DCC: variants seen among roughly 807,000 people sequenced by gnomAD.
The protein encoded by DCC is DCC netrin 1 receptor.
A neutral mutation model predicts 172.5 loss-of-function variants in DCC; 58 were observed. That is an observed-to-expected ratio of 0.34 (90% CI 0.27 to 0.42). The LOEUF (loss-of-function observed/expected upper bound fraction) is 0.42, where lower values mean the gene tolerates loss of function less well. Among genes scored for constraint, DCC ranks in the 10% least tolerant of loss-of-function variants. DCC has a pLI of 1.00. For synonymous variants in DCC, 709 were observed against 644.5 expected (o/e 1.10, Z -1.52); for missense variants, 1,740 against 1,791.0 (o/e 0.97, Z 0.51).
At chr18:53,367,602 A>G (rs920644232) in intron 15 of DCC, among the ~76,000 whole-genome samples, 1 of 152,162 alleles carries the variant, frequency 6.6e-6, no homozygotes, top group Non-Finnish European at 1.5e-5. Context: ...TTGCGCAGCC[A>G]TCGAACCGTA....
At chr18:53,523,617 A>T (rs1398417793) in intron 27 of DCC, among the ~76,000 whole-genome samples, 2 of 152,186 alleles carry the variant, frequency 1.3e-5, no homozygotes, top group East Asian at 3.9e-4. Flanking sequence ...AGGGACATGG[A>T]TGAGACTGGA....
chr18:52,355,736 G>GA lies in DCC; in HGVS notation c.91+14867dup, dbSNP rs992525944. On this transcript the variant is annotated intron_variant, in intron 1 of 28. Transcript: ENST00000442544. ...AGACCTAAGCAGTGCAAGCATGTAA[G>GA]AAAAAAAAAGGTGACCAGAGTCACA... Among the ~76,000 whole-genome samples, 30 of 150,308 alleles carry GA rather than the reference G, an allele frequency of 2.0e-4. 1 individual carries two copies. The highest frequency in any genetic ancestry group is 2.0e-4 in the East Asian group (1 of 5,128).
chr18:53,217,260 TATACACAC>T (rs920030363), intron 12 of DCC, among the ~76,000 whole-genome samples: 15 of 94,812 alleles, frequency 1.6e-4, no homozygotes, highest in African/African-American at 5.2e-4. Context: ...CTATATATAT[TATACACAC>T]ACACACACAC....
intron 26 of DCC, among the ~76,000 whole-genome samples, chr18:53,487,529 C>CTTTTTTTTT (rs34404262): frequency 8.3e-6 from 1 of 120,220 alleles, no homozygotes. Context: ...CCATTTGACT[C>CTTTTTTTTT]TTTTTTTTTT....
In DCC at chr18:52,752,411, C is replaced by T. The variant is rs2037011694; in HGVS notation, c.412+37C>T. 3 of 1,462,998 alleles carry T rather than the reference C, an allele frequency of 2.1e-6. No individual in the cohort carries two copies. The East Asian group carries it at 6.8e-5, about 33-fold the overall frequency. 90.6% of individuals were successfully genotyped at this position (1,462,998 alleles called of 1,614,324 possible). A position where few individuals can be genotyped will look rare whatever the true frequency, so the allele number is the denominator to read the frequency against. ...CTTCCTTCTCTTCCTCCTCCTCCTTCCTCTCTTCTTCTTATTCATTTTTGG... is the reference window on the plus strand; with the variant it reads ...CTTCCTTCTCTTCCTCCTCCTCCTTTCTCTCTTCTTCTTATTCATTTTTGG... On this transcript the variant is annotated intron_variant, in intron 2 of 28. Coordinates refer to ENST00000442544, the MANE Select transcript of DCC (RefSeq NM_005215.4).
intron 1 of DCC, among the ~76,000 whole-genome samples, chr18:52,590,271 T>G (rs2033770948): frequency 6.6e-6 from 1 of 152,166 alleles, no homozygotes; most frequent in African/African-American, 2.4e-5. Context: ...GAATGAGATC[T>G]AAGGACATCC....
At chr18:52,800,990 G>A (rs1207654862) in intron 2 of DCC, among the ~76,000 whole-genome samples, 1 of 152,102 alleles carries the variant, frequency 6.6e-6, no homozygotes, top group Non-Finnish European at 1.5e-5. Flanking sequence ...CCTTTCTTCA[G>A]GTAGTCTCAT....
chr18:53,403,071 G>A (rs1909420428), intron 19 of DCC, among the ~76,000 whole-genome samples, 178 bp downstream of exon 19: 1 of 109,780 alleles, frequency 9.1e-6, no homozygotes, highest in African/African-American at 3.4e-5. Context: ...TTCTTCTAAT[G>A]GTGCACACAC....
intron 5 of DCC, among the ~76,000 whole-genome samples, chr18:53,039,363 C>G (rs2042138596): frequency 6.6e-6 from 1 of 151,986 alleles, no homozygotes; most frequent in Admixed American, 6.6e-5. Context: ...TTTATGTGGT[C>G]TCATAAAATG....
At chr18:52,349,230 G>C (rs1359590935) in intron 1 of DCC, among the ~76,000 whole-genome samples, 1 of 152,058 alleles carries the variant, frequency 6.6e-6, no homozygotes, top group Non-Finnish European at 1.5e-5. Context: ...TGCTCCCATG[G>C]GACAGGCTAA....
At chr18:53,462,378 C>G (rs2045569887) in intron 24 of DCC, among the ~76,000 whole-genome samples, 1 of 152,002 alleles carries the variant, frequency 6.6e-6, no homozygotes, top group African/African-American at 2.4e-5. Context: ...CTTATAGGAG[C>G]ATGAACCCTA....
intron 1 of DCC, among the ~76,000 whole-genome samples, chr18:52,747,796 G>A (rs529912766): frequency 1.3e-5 from 2 of 152,172 alleles, no homozygotes; most frequent in East Asian, 3.9e-4. Flanking sequence ...TAAGAGAAAG[G>A]GTTGAGGGGG....
intron 27 of DCC, among the ~76,000 whole-genome samples, chr18:53,522,381 T>C (rs770952865): frequency 1.3e-5 from 2 of 151,898 alleles, no homozygotes; most frequent in Non-Finnish European, 2.9e-5. Context: ...TTGGCTATTG[T>C]TGAGTTAGAA....
chr18:53,151,653 A>G (rs968114118), intron 7 of DCC, among the ~76,000 whole-genome samples: 2 of 149,266 alleles, frequency 1.3e-5, no homozygotes, highest in African/African-American at 4.8e-5. Flanking sequence ...ACAAATAAAT[A>G]AATGATTATT....
chr18:52,675,735 C>T (rs1315811545), intron 1 of DCC, among the ~76,000 whole-genome samples: 1 of 152,170 alleles, frequency 6.6e-6, no homozygotes, highest in Non-Finnish European at 1.5e-5. Context: ...ATACTCACAA[C>T]TTGCATATTT....
chr18:52,884,198 G>A (rs1468496985), intron 2 of DCC, among the ~76,000 whole-genome samples: 3 of 151,820 alleles, frequency 2.0e-5, no homozygotes, highest in Admixed American at 6.6e-5. Flanking sequence ...AATCTCCTTG[G>A]TGCTCAATAA....
At position 52,882,053 on chromosome 18, in the gene DCC, G is replaced by T. The variant is rs553183935; in HGVS notation, c.413-23991G>T. 4.6e-5 allele frequency among the ~76,000 whole-genome samples: 7 copies of T among 151,956 alleles called. No homozygotes were observed. The South Asian group carries it at 1.5e-3, about 32-fold the overall frequency. On this transcript the variant is annotated intron_variant, in intron 2 of 28. Coordinates refer to ENST00000442544, the MANE Select transcript of DCC (RefSeq NM_005215.4). The stretch of plus-strand genomic sequence containing the variant: ...TTCAAAGTATTTAATATTATGTGTG[G>T]CTATGGTAAATGGGATTACTTTTTA...
At chr18:53,221,824 C>A (rs1190639618) in intron 12 of DCC, among the ~76,000 whole-genome samples, 1 of 152,124 alleles carries the variant, frequency 6.6e-6, no homozygotes, top group African/African-American at 2.4e-5. Flanking sequence ...CTTTAATTGG[C>A]TAGGAAGAGA....
At chr18:52,677,609 C>T (rs1348265967) in intron 1 of DCC, among the ~76,000 whole-genome samples, 2 of 152,078 alleles carry the variant, frequency 1.3e-5, no homozygotes, top group South Asian at 2.1e-4. Context: ...GGAAGAAATG[C>T]CTTTCTTTGG....
Sources: allele counts gnomAD v4.1 joint callset (sites outside exome capture counted in the v4.1 genomes callset), GRCh38; gene constraint gnomAD v4.1.1; transcripts MANE v1.5; gene names NCBI Gene and HGNC (gene_info 2026-07-23, HGNC 2026-07-21).